The following ANXA8 variants were observed in gnomAD, a reference collection of about 807,000 sequenced individuals.
The protein encoded by ANXA8 is annexin A8, also known as VAC-beta.
ANXA8 carries 9 observed loss-of-function variants against 26.8 expected under a neutral mutation model. That is an observed-to-expected ratio of 0.34 (90% confidence interval 0.20 to 0.59). The LOEUF (loss-of-function observed/expected upper bound fraction) is 0.59, where lower values mean the gene tolerates loss of function less well. ANXA8 is among the 20% of genes least tolerant of loss of function. The pLI, the probability that ANXA8 is intolerant of heterozygous loss-of-function variation, is 0.84. For synonymous variants in ANXA8, 39 were observed against 94.8 expected (o/e 0.41, Z 3.42); for missense variants, 83 against 238.5 (o/e 0.35, Z 4.29).
the ANXA8 span, among the ~76,000 whole-genome samples, chr10:47,520,787 G>C: frequency 1.1e-5 from 1 of 93,632 alleles, no homozygotes; most frequent in Admixed American, 1.1e-4. Context: ...CTTGAACCCA[G>C]GTCAGGAAGT....
the ANXA8 span, among the ~76,000 whole-genome samples, chr10:47,769,451 G>T: frequency 7.4e-5 from 11 of 148,878 alleles, no homozygotes; most frequent in Non-Finnish European, 1.2e-4. Flanking sequence ...ACTCAAGTTT[G>T]CAGATTTGAT....
chr10:47,503,031 G>C, the ANXA8 span: 1 of 1,608,420 alleles, frequency 6.2e-7, no homozygotes, highest in Non-Finnish European at 8.5e-7. Context: ...CGGTGTCCAT[G>C]TCCTTGGATA....
At chr10:47,733,183 T>TTCTCTCTCTC in the ANXA8 span, among the ~76,000 whole-genome samples, 5 of 87,044 alleles carry the variant, frequency 5.7e-5, no homozygotes, top group African/African-American at 1.6e-4. Flanking sequence ...CTTTCTTTCT[T>TTCTCTCTCTC]TCTTTCTTTC....
At chr10:47,531,424 AC>A in the ANXA8 span, among the ~76,000 whole-genome samples, 1 of 13,690 alleles carries the variant, frequency 7.3e-5, no homozygotes, top group Non-Finnish European at 1.3e-4. Context: ...ACAAATACAA[AC>A]CATTAGCCTA....
the ANXA8 span, among the ~76,000 whole-genome samples, chr10:47,527,864 C>A: frequency 6.8e-6 from 1 of 147,816 alleles, no homozygotes; most frequent in Admixed American, 6.8e-5. Flanking sequence ...AGGGAAAGAG[C>A]CAATAGAAAA....
At chr10:47,959,917 G>A in the ANXA8 span, among the ~76,000 whole-genome samples, 1 of 151,544 alleles carries the variant, frequency 6.6e-6, no homozygotes, top group African/African-American at 2.4e-5. Context: ...CTGTGAGAAG[G>A]CCCAAGCCAC....
the ANXA8 span, among the ~76,000 whole-genome samples, chr10:47,670,398 A>G: frequency 1.3e-5 from 2 of 152,040 alleles, no homozygotes; most frequent in Non-Finnish European, 2.9e-5. Context: ...TTGCTGGATC[A>G]TATATGGTAA....
At chr10:47,755,155 CTA>C in the ANXA8 span, among the ~76,000 whole-genome samples, 1 of 151,544 alleles carries the variant, frequency 6.6e-6, no homozygotes. Flanking sequence ...CAGAATTTTA[CTA>C]TGTTGGCCAG....
the ANXA8 span, chr10:47,510,151 G>A: frequency 8.5e-6 from 10 of 1,181,086 alleles, 1 homozygote; most frequent in East Asian, 6.9e-5. Context: ...TCTGTCCCTC[G>A]GCAGCATAGT....
chr10:47,483,135 G>A (rs1232486761), intron 1 of ANXA8, among the ~76,000 whole-genome samples: 8 of 151,728 alleles, frequency 5.3e-5, no homozygotes, highest in African/African-American at 7.3e-5. Flanking sequence ...GAAAGCTCCC[G>A]AGAACCCATC....
the ANXA8 span, among the ~76,000 whole-genome samples, chr10:47,942,827 T>C: frequency 6.9e-6 from 1 of 145,818 alleles, no homozygotes; most frequent in Non-Finnish European, 1.5e-5. Context: ...GGAGGCCAAT[T>C]GCTAAGGCAG....
the ANXA8 span, among the ~76,000 whole-genome samples, chr10:47,636,385 T>A: frequency 7.0e-6 from 1 of 143,106 alleles, no homozygotes; most frequent in African/African-American, 2.7e-5. Flanking sequence ...AAAAAGAAAA[T>A]CATGTTTCTG....
the ANXA8 span, chr10:47,491,601 C>T: frequency 6.6e-7 from 1 of 1,521,044 alleles, no homozygotes; most frequent in Non-Finnish European, 8.9e-7. Context: ...TGGGTCCTCA[C>T]TGGCTCCCTC....
At chr10:47,508,030 G>A in the ANXA8 span, among the ~76,000 whole-genome samples, 1 of 129,656 alleles carries the variant, frequency 7.7e-6, no homozygotes, top group South Asian at 2.6e-4. Flanking sequence ...AAGAAGCTGG[G>A]ACTACAAGTT....
the ANXA8 span, among the ~76,000 whole-genome samples, chr10:47,918,383 GAGAAAGAA>G: frequency 3.5e-3 from 37 of 10,502 alleles, 6 homozygotes; most frequent in East Asian, 6.6e-3. Context: ...GAGAGAGAGA[GAGAAAGAA>G]AGAAAGAAAG....
At chr10:47,981,084 T>C in the ANXA8 span, among the ~76,000 whole-genome samples, 1 of 151,638 alleles carries the variant, frequency 6.6e-6, no homozygotes, top group Admixed American at 6.6e-5. Context: ...CCCAGAAACA[T>C]ATAAAAATGA....
At chr10:47,584,861 G>T in the ANXA8 span, among the ~76,000 whole-genome samples, 3 of 137,730 alleles carry the variant, frequency 2.2e-5, no homozygotes, top group East Asian at 6.1e-4. Context: ...GCCAAGGCGG[G>T]TGGATCACCT....
the ANXA8 span, among the ~76,000 whole-genome samples, chr10:47,941,485 C>T: frequency 8.1e-4 from 118 of 146,106 alleles, 8 homozygotes; most frequent in Non-Finnish European, 7.6e-4. Context: ...TGAAACCCCG[C>T]CTCTGCTAAA....
At chr10:47,733,219 T>TC in the ANXA8 span, among the ~76,000 whole-genome samples, 84 of 68,096 alleles carry the variant, frequency 1.2e-3, 1 homozygote, top group African/African-American at 4.6e-3. Context: ...CTTTCTTTCT[T>TC]TCTCTTTCTT....
Sources: allele counts gnomAD v4.1 joint callset (sites outside exome capture counted in the v4.1 genomes callset), GRCh38; gene constraint gnomAD v4.1.1; transcripts MANE v1.5; gene names NCBI Gene and HGNC (gene_info 2026-07-23, HGNC 2026-07-21).